The following GALNTL6 variants were observed in gnomAD, a reference collection of about 807,000 sequenced individuals.
GALNTL6 encodes polypeptide N-acetylgalactosaminyltransferase-like 6.
In GALNTL6, 46 loss-of-function variants were observed where a neutral mutation model predicts 73.7. The ratio of observed to expected loss-of-function variants is 0.62; its 90% CI spans 0.49 to 0.80. GALNTL6 has a LOEUF of 0.80. GALNTL6 is among the 30% of genes least tolerant of loss of function. GALNTL6 has a pLI of 0.00. For missense variants in GALNTL6, 604 were observed against 755.0 expected (o/e 0.80, Z 2.34); for synonymous variants, 259 against 263.7 (o/e 0.98, Z 0.17).
intron 7 of GALNTL6, among the ~76,000 whole-genome samples, chr4:172,872,905 CT>C (rs1265471108): frequency 9.8e-5 from 15 of 152,326 alleles, no homozygotes; most frequent in African/African-American, 3.6e-4. Context: ...TTCCATGGCA[CT>C]AGCAAAAGTG....
At chr4:171,920,273 A>G (rs1737748400) in intron 2 of GALNTL6, among the ~76,000 whole-genome samples, 1 of 152,110 alleles carries the variant, frequency 6.6e-6, no homozygotes, top group Non-Finnish European at 1.5e-5. Context: ...AGATATACCT[A>G]ATGTTAAATG....
In GALNTL6 at chr4:171,892,125, A is replaced by G. The variant is rs150893557; in HGVS notation, c.138+77407A>G. ...ATCAGGCTATTTGTGTAAGGTGTAT[A>G]TGAAACATGAATGAATTTTGTGTTT... On this transcript the variant is annotated intron_variant, in intron 2 of 12. Coordinates refer to ENST00000506823, the MANE Select transcript of GALNTL6 (RefSeq NM_001034845.3). Among the ~76,000 whole-genome samples the G allele has an allele frequency of 3.4e-3, 524 of 152,314 alleles. 1 individual carries two copies. The highest frequency in any genetic ancestry group is 6.8e-3 in the Middle Eastern group (2 of 294).
intron 5 of GALNTL6, among the ~76,000 whole-genome samples, chr4:172,702,496 C>G (rs912421116): frequency 1.3e-5 from 2 of 151,920 alleles, no homozygotes; most frequent in African/African-American, 4.8e-5. Flanking sequence ...CAGTTCCCCC[C>G]ACCCCGACCC....
chr4:172,546,165 TACTC>T (rs1341412349), intron 5 of GALNTL6, among the ~76,000 whole-genome samples: 4 of 152,114 alleles, frequency 2.6e-5, no homozygotes, highest in Non-Finnish European at 5.9e-5. Context: ...TTAAATAACT[TACTC>T]ACCCATTACC....
At chr4:172,803,921 G>T (rs1740807342) in intron 5 of GALNTL6, among the ~76,000 whole-genome samples, 1 of 152,098 alleles carries the variant, frequency 6.6e-6, no homozygotes, top group Non-Finnish European at 1.5e-5. Context: ...ATTGTGAAAT[G>T]CCTATAGTCA....
At chr4:172,369,077 C>A (rs1435759376) in intron 5 of GALNTL6, among the ~76,000 whole-genome samples, 1 of 152,050 alleles carries the variant, frequency 6.6e-6, no homozygotes, top group African/African-American at 2.4e-5. Context: ...GCTCTTATTC[C>A]CTTATGTGCC....
chr4:171,883,672 G>C (rs1480746767), intron 2 of GALNTL6, among the ~76,000 whole-genome samples: 1 of 149,582 alleles, frequency 6.7e-6, no homozygotes. Flanking sequence ...TTTTGAGATA[G>C]AGTCTCGCTC....
At chr4:172,247,194 T>A (rs1737691379) in intron 3 of GALNTL6, among the ~76,000 whole-genome samples, 1 of 152,128 alleles carries the variant, frequency 6.6e-6, no homozygotes, top group African/African-American at 2.4e-5. Flanking sequence ...GTCAGTATTA[T>A]TTTACTCTGG....
In GALNTL6 at chr4:172,725,729, A is replaced by T. The variant is rs890307802; in HGVS notation, c.554-83632A>T. 2.1e-4 allele frequency among the ~76,000 whole-genome samples: 32 copies of T among 152,212 alleles called. 1 individual carries two copies. The highest frequency in any genetic ancestry group is 2.9e-5 in the Non-Finnish European group (2 of 68,038). The stretch of plus-strand genomic sequence containing the variant: ...GAGGTCTGGATTTGGTTAATGAATG[A>T]TAAACAGTCATTTCCTCATCTGTGA... On this transcript the variant is annotated intron_variant, in intron 5 of 12. Transcript: ENST00000506823.
chr4:172,867,737 G>T (rs147755321), intron 7 of GALNTL6, among the ~76,000 whole-genome samples: 162 of 152,284 alleles, frequency 1.1e-3, no homozygotes, highest in African/African-American at 3.8e-3. Flanking sequence ...ACACAAGCAG[G>T]TATACCTGTG....
chr4:171,896,556 T>G lies in GALNTL6; in HGVS notation c.138+81838T>G, dbSNP rs1173483510. Among the ~76,000 whole-genome samples the G allele has an allele frequency of 5.3e-5, 8 of 152,210 alleles. 1 individual carries two copies. In the East Asian group the frequency reaches 1.2e-3, roughly 22 times the overall value. On this transcript the variant is annotated intron_variant, in intron 2 of 12. Coordinates refer to ENST00000506823, the MANE Select transcript of GALNTL6 (RefSeq NM_001034845.3). ...CAGTTCAACATGTTGGCAGATTTGT[T>G]GTCTGGTAAAAGCCAACTTTCCAAT...
At chr4:172,131,436 C>T (rs1371667153) in intron 2 of GALNTL6, among the ~76,000 whole-genome samples, 3 of 142,894 alleles carry the variant, frequency 2.1e-5, no homozygotes, top group African/African-American at 5.4e-5. Flanking sequence ...TATACACACA[C>T]ACACACGCAT....
At chr4:172,941,282 T>G (rs1404264625) in intron 9 of GALNTL6, among the ~76,000 whole-genome samples, 1 of 152,222 alleles carries the variant, frequency 6.6e-6, no homozygotes, top group African/African-American at 2.4e-5. Context: ...TAGCTTTTGT[T>G]TATGCCTATT....
intron 5 of GALNTL6, among the ~76,000 whole-genome samples, chr4:172,367,890 A>G (rs1742627951): frequency 2.6e-5 from 4 of 152,168 alleles, no homozygotes; most frequent in African/African-American, 9.7e-5. Context: ...AATTTGCTAT[A>G]CTCCAGACTT....
intron 2 of GALNTL6, among the ~76,000 whole-genome samples, chr4:172,117,792 A>G (rs1237673726): frequency 2.0e-5 from 3 of 152,194 alleles, no homozygotes; most frequent in Non-Finnish European, 2.9e-5. Context: ...AAAAGAAATT[A>G]GAATAAAAAG....
intron 5 of GALNTL6, among the ~76,000 whole-genome samples, chr4:172,384,101 C>T (rs899332183): frequency 6.6e-6 from 1 of 152,022 alleles, no homozygotes; most frequent in Non-Finnish European, 1.5e-5. Flanking sequence ...GTTTTGGTAT[C>T]AAGGTAATAC....
intron 7 of GALNTL6, among the ~76,000 whole-genome samples, chr4:172,858,540 T>A (rs1418932838): frequency 6.6e-6 from 1 of 152,100 alleles, no homozygotes; most frequent in East Asian, 1.9e-4. Context: ...AGAAAAACTT[T>A]GGCTGCTGGC....
intron 5 of GALNTL6, among the ~76,000 whole-genome samples, chr4:172,769,675 G>C (rs1295950349): frequency 1.3e-5 from 2 of 152,204 alleles, no homozygotes; most frequent in Non-Finnish European, 2.9e-5. Context: ...TTTGCTTTCT[G>C]TCTTTACATT....
intron 3 of GALNTL6, among the ~76,000 whole-genome samples, chr4:172,274,838 G>A (rs1229995607): frequency 6.6e-6 from 1 of 152,146 alleles, no homozygotes; most frequent in African/African-American, 2.4e-5. Context: ...TTTCATGTCA[G>A]ATCAAAGGTT....
Sources: allele counts gnomAD v4.1 joint callset (sites outside exome capture counted in the v4.1 genomes callset), GRCh38; gene constraint gnomAD v4.1.1; transcripts MANE v1.5; gene names NCBI Gene and HGNC (gene_info 2026-07-23, HGNC 2026-07-21).